The following COX19 variants were observed in gnomAD, a reference collection of about 807,000 sequenced individuals.
The protein encoded by COX19 is cytochrome c oxidase assembly protein COX19.
A neutral mutation model predicts 6.8 loss-of-function variants in COX19; 8 were observed. That is an observed-to-expected ratio of 1.18 (90% CI 0.69 to 2.12). The LOEUF (loss-of-function observed/expected upper bound fraction) is 2.12. COX19 is among the 30% of genes most tolerant of loss of function. The pLI, the probability that COX19 is intolerant of heterozygous loss-of-function variation, is 0.00. For missense variants in COX19, 131 were observed against 104.6 expected, an observed-to-expected ratio of 1.25 and a Z score of -1.10; for synonymous variants, 51 against 38.0, an observed-to-expected ratio of 1.34 and a Z score of -1.26.
At position 967,222 on chromosome 7, in the gene COX19, G is replaced by A. The variant is rs888804220; in HGVS notation, c.*2156C>T. 2.0e-5 allele frequency: 3 copies of A among 152,158 alleles called. No individual in the cohort carries two copies. Among genetic ancestry groups the A allele is most frequent in the South Asian group, 4.1e-4 (2 of 4,826 alleles). The allele number at this position is 152,158 out of a possible 1,614,324, so 9.4% of individuals were successfully genotyped here. ...ACAGGTACGTACAGGAAAAAACAGC[G>A]CCTGGACAGGATTCGGGACTATCCG... On this transcript the variant is annotated 3_prime_UTR_variant, in exon 3 of 3. Coordinates refer to ENST00000344111, the MANE Select transcript of COX19 (RefSeq NM_001031617.3).
In COX19 at chr7:964,904, A is replaced by G. The variant is rs919988712; in HGVS notation, c.*4474T>C. ...GGCCAGCTTATCATGACAAGCGTCT[A>G]TGAGAAATAAAATGCATTCTGCACA... On this transcript the variant is annotated 3_prime_UTR_variant, in exon 3 of 3. Coordinates refer to ENST00000344111, the MANE Select transcript of COX19 (RefSeq NM_001031617.3). Among the ~76,000 whole-genome samples, 1 of 152,258 alleles carries G rather than the reference A, an allele frequency of 6.6e-6. No individual in the cohort carries two copies. Among genetic ancestry groups the G allele is most frequent in the Non-Finnish European group, 1.5e-5 (1 of 68,042 alleles).
chr7:971,566 C>A (rs1583203492), intron 2 of COX19, among the ~76,000 whole-genome samples: 1 of 151,440 alleles, frequency 6.6e-6, no homozygotes, highest in Non-Finnish European at 1.5e-5. Flanking sequence ...AAAAAAAAAA[C>A]AACAAAAACA....
intron 1 of COX19, 126 bp downstream of exon 1, chr7:975,302 G>T (rs2128117749): frequency 1.5e-6 from 1 of 689,564 alleles, no homozygotes; most frequent in Non-Finnish European, 2.3e-6. Flanking sequence ...GCGGAGGGGC[G>T]GGCCGCCGTG....
chr7:972,698 A>G (rs1847652069), intron 2 of COX19: 1 of 152,316 alleles, frequency 6.6e-6, no homozygotes, highest in South Asian at 2.1e-4. Context: ...AGTTCTGGTT[A>G]CGACAGGAAG....
chr7:970,663 G>C (rs1847622429), intron 2 of COX19, among the ~76,000 whole-genome samples: 1 of 151,976 alleles, frequency 6.6e-6, no homozygotes, highest in Non-Finnish European at 1.5e-5. Flanking sequence ...TTGAACTCCT[G>C]ACCTCAAGTG....
intron 2 of COX19, among the ~76,000 whole-genome samples, chr7:971,175 A>C (rs1847630221): frequency 6.6e-6 from 1 of 152,170 alleles, no homozygotes. Flanking sequence ...CCGGTGCCTA[A>C]AACTAATCCC....
intron 2 of COX19, among the ~76,000 whole-genome samples, chr7:971,155 T>C (rs1847629699): frequency 6.6e-6 from 1 of 152,208 alleles, no homozygotes; most frequent in Admixed American, 6.5e-5. Context: ...CCAGCGTGTC[T>C]GTGTGACACC....
intron 2 of COX19, among the ~76,000 whole-genome samples, chr7:971,827 T>A (rs1359186102): frequency 6.6e-6 from 1 of 152,308 alleles, no homozygotes; most frequent in South Asian, 2.1e-4. Context: ...GCTGAGATCA[T>A]GCCACTGCGC....
intron 1 of COX19, 139 bp from the exon 2 acceptor site, chr7:973,431 C>A: frequency 8.6e-7 from 1 of 1,157,486 alleles, no homozygotes; most frequent in Non-Finnish European, 1.1e-6. Context: ...CCTGTAATCC[C>A]AGCACTCTGA....
chr7:974,502 A>C (rs964859722), intron 1 of COX19, among the ~76,000 whole-genome samples: 1 of 152,176 alleles, frequency 6.6e-6, no homozygotes, highest in African/African-American at 2.4e-5. Flanking sequence ...AAAAACCCAC[A>C]ACGAGGTAAA....
rs977794701 is a variant in COX19 at position 968,749 on chromosome 7, T to C, written c.*629A>G. The C allele has an allele frequency of 1.2e-4, 18 of 152,248 alleles. No homozygotes were observed. The highest frequency in any genetic ancestry group is 3.9e-4 in the African/African-American group (16 of 41,448). 9.4% of individuals were successfully genotyped at this position (152,248 alleles called of 1,614,324 possible). A position where few individuals can be genotyped will look rare whatever the true frequency, so the allele number is the denominator to read the frequency against. ...GACTCAGGTTCTTTTTCTGTTAAAA[T>C]ACAGGAGTTACTGAAATTAAATACC... On this transcript the variant is annotated 3_prime_UTR_variant, in exon 3 of 3. Transcript: ENST00000344111.
chr7:973,584 T>C (rs559914630), intron 1 of COX19, among the ~76,000 whole-genome samples: 19 of 152,232 alleles, frequency 1.2e-4, no homozygotes, highest in African/African-American at 4.1e-4. Flanking sequence ...GGCAGGAAGA[T>C]CGCTTGAGCA....
rs1022534836 is a variant in COX19 at position 965,878 on chromosome 7, A to C, written c.*3500T>G. On this transcript the variant is annotated 3_prime_UTR_variant, in exon 3 of 3. Transcript: ENST00000344111. Reference sequence around the variant, plus strand: ...GGCCTTGAACTCCTGGCCTCAAGTGATCTGCCTGCCTCGGCCTCCCAAAGT... The same window carrying C: ...GGCCTTGAACTCCTGGCCTCAAGTGCTCTGCCTGCCTCGGCCTCCCAAAGT... 6.6e-6 allele frequency among the ~76,000 whole-genome samples: 1 copy of C among 152,150 alleles called. No individual in the cohort carries two copies. The highest frequency in any genetic ancestry group is 6.5e-5 in the Admixed American group (1 of 15,280).
chr7:971,239 C>T (rs566232300), intron 2 of COX19, among the ~76,000 whole-genome samples: 128 of 152,336 alleles, frequency 8.4e-4, no homozygotes, highest in African/African-American at 3.0e-3. Context: ...TCTCAGACCA[C>T]GGTGGTCATC....
At chr7:973,604 G>A (rs762944277) in intron 1 of COX19, among the ~76,000 whole-genome samples, 2 of 152,126 alleles carry the variant, frequency 1.3e-5, no homozygotes, top group African/African-American at 2.4e-5. Context: ...AAAGGATTTC[G>A]AGGCTGCAGT....
In COX19 at chr7:968,701, T is replaced by C. The variant is rs1847593256; in HGVS notation, c.*677A>G. 6.6e-6 allele frequency: 1 copy of C among 152,312 alleles called. No individual in the cohort carries two copies. The highest frequency in any genetic ancestry group is 2.4e-5 in the African/African-American group (1 of 41,482). The allele number at this position is 152,312 out of a possible 1,614,324, so 9.4% of individuals were successfully genotyped here. A position where few individuals can be genotyped will look rare whatever the true frequency, so the allele number is the denominator to read the frequency against. On this transcript the variant is annotated 3_prime_UTR_variant, in exon 3 of 3. Transcript: ENST00000344111. ...GGAGCTGGCTGGCACAGAAGACAGC[T>C]GGTGCGAGCCTAACTGCAAATGGAC...
At chr7:971,409 G>C (rs748228119) in intron 2 of COX19, among the ~76,000 whole-genome samples, 3 of 152,168 alleles carry the variant, frequency 2.0e-5, no homozygotes, top group Non-Finnish European at 2.9e-5. Flanking sequence ...AGGAAGAAAA[G>C]AAATGGCTAA....
intron 1 of COX19, among the ~76,000 whole-genome samples, chr7:974,424 T>C (rs1847676619): frequency 6.6e-6 from 1 of 152,090 alleles, no homozygotes; most frequent in South Asian, 2.1e-4. Context: ...AGTGAGACCG[T>C]GTCTCAAAAC....
chr7:975,418 C>T lies in COX19; in HGVS notation c.82+10G>A, dbSNP rs1847691939. On this transcript the variant is annotated intron_variant, in intron 1 of 2. Coordinates refer to ENST00000344111, the MANE Select transcript of COX19 (RefSeq NM_001031617.3). ...CGCAGACCCCTGCCCGCCGACCTTC[C>T]GCCGCTCACCTAAGTGATCCAGCGG... 6.3e-7 allele frequency: 1 copy of T among 1,581,232 alleles called. No individual in the cohort carries two copies. The highest frequency in any genetic ancestry group is 8.6e-7 in the Non-Finnish European group (1 of 1,165,336).
Sources: allele counts gnomAD v4.1 joint callset (sites outside exome capture counted in the v4.1 genomes callset), GRCh38; gene constraint gnomAD v4.1.1; transcripts MANE v1.5; gene names NCBI Gene and HGNC (gene_info 2026-07-23, HGNC 2026-07-21).